SNTG1: variants seen among roughly 807,000 people sequenced by gnomAD.
SNTG1 encodes gamma-1-syntrophin.
A neutral mutation model predicts 74.7 loss-of-function variants in SNTG1; 39 were observed. The ratio of observed to expected loss-of-function variants is 0.52; its 90% confidence interval spans 0.40 to 0.68. The LOEUF (loss-of-function observed/expected upper bound fraction) is 0.68. Among genes scored for constraint, SNTG1 ranks in the 30% least tolerant of loss-of-function variants. SNTG1 has a pLI of 0.00. For synonymous variants in SNTG1, 254 were observed against 217.1 expected (o/e 1.17, Z -1.49); for missense variants, 685 against 609.5 (o/e 1.12, Z -1.30).
At chr8:50,759,341 T>C (rs1380347710) in intron 18 of SNTG1, among the ~76,000 whole-genome samples, 1 of 152,126 alleles carries the variant, frequency 6.6e-6, no homozygotes, top group Non-Finnish European at 1.5e-5. Context: ...ATTTTGGCTT[T>C]TGTTGCCATT....
At chr8:50,283,314 T>G (rs1186372907) in intron 2 of SNTG1, among the ~76,000 whole-genome samples, 1 of 152,184 alleles carries the variant, frequency 6.6e-6, no homozygotes, top group Non-Finnish European at 1.5e-5. Flanking sequence ...ATCAGAAACA[T>G]GTAATTGTTA....
intron 2 of SNTG1, among the ~76,000 whole-genome samples, chr8:50,391,906 T>C (rs1482133827): frequency 2.0e-5 from 3 of 152,108 alleles, no homozygotes; most frequent in Non-Finnish European, 4.4e-5. Flanking sequence ...ATAATCCCAA[T>C]GGAAGAATAT....
At chr8:50,207,351 C>A (rs1009605165) in intron 2 of SNTG1, among the ~76,000 whole-genome samples, 11 of 152,284 alleles carry the variant, frequency 7.2e-5, no homozygotes, top group Non-Finnish European at 1.5e-4. Context: ...AGTTTATTTG[C>A]ATAGAGGTGT....
chr8:50,302,146 C>A (rs1345361493), intron 2 of SNTG1, among the ~76,000 whole-genome samples: 2 of 152,134 alleles, frequency 1.3e-5, no homozygotes, highest in East Asian at 3.9e-4. Context: ...TATTGAGTGA[C>A]ACTTTGCTGA....
chr8:50,290,716 CT>C (rs1309657381), intron 2 of SNTG1, among the ~76,000 whole-genome samples: 1 of 151,992 alleles, frequency 6.6e-6, no homozygotes, highest in Non-Finnish European at 1.5e-5. Context: ...AATAACTGTA[CT>C]CATTTAAACA....
chr8:50,612,588 A>G (rs774994489), intron 13 of SNTG1, among the ~76,000 whole-genome samples: 3 of 152,230 alleles, frequency 2.0e-5, no homozygotes, highest in Non-Finnish European at 4.4e-5. Flanking sequence ...AGTAGACAGT[A>G]GGCTAGCAGT....
chr8:50,752,060 C>A lies in SNTG1; in HGVS notation c.1344C>A (p.Ser448Arg), dbSNP rs1325866719. ...AAGGTTCTTCAGATGATGGCAAGAG[C>A]AAAATCAAATTTTTGTTTCAGAATC... is the stretch of plus-strand genomic sequence containing the variant. Reference protein sequence around the residue: ...QLKGSSDDGKSKIKFLFQNPD... With the variant: ...QLKGSSDDGKRKIKFLFQNPD... The change falls in exon 18 of 19, where the codon AGC (serine) becomes AGA (arginine). Residue 448 changes from serine (S) to arginine (R), a missense_variant. Coordinates refer to ENST00000642720, the MANE Select transcript of SNTG1 (RefSeq NM_018967.5). The A allele has an allele frequency of 1.3e-6, 2 of 1,565,744 alleles. No homozygotes were observed. The highest frequency in any genetic ancestry group is 2.5e-5 in the East Asian group (1 of 40,356).
chr8:50,218,233 G>A (rs1390418886), intron 2 of SNTG1, among the ~76,000 whole-genome samples: 1 of 152,172 alleles, frequency 6.6e-6, no homozygotes, highest in Non-Finnish European at 1.5e-5. Context: ...ACTGAGCATA[G>A]GGATGGTTGT....
chr8:50,196,224 C>G (rs2083763050), intron 2 of SNTG1, among the ~76,000 whole-genome samples: 1 of 152,072 alleles, frequency 6.6e-6, no homozygotes, highest in Admixed American at 6.6e-5. Flanking sequence ...GGCAAAAGCA[C>G]TTAAATAATT....
intron 1 of SNTG1, among the ~76,000 whole-genome samples, chr8:50,114,503 G>A (rs982432400): frequency 6.6e-6 from 1 of 152,128 alleles, no homozygotes; most frequent in Non-Finnish European, 1.5e-5. Flanking sequence ...CATGTCAGAA[G>A]GTAGTTGGCC....
chr8:50,425,866 G>T (rs1341094880), intron 4 of SNTG1, among the ~76,000 whole-genome samples: 1 of 152,170 alleles, frequency 6.6e-6, no homozygotes. Flanking sequence ...AGCTTGCAGT[G>T]AAGAAGCAAA....
chr8:50,069,715 C>T (rs1821201329), intron 1 of SNTG1, among the ~76,000 whole-genome samples: 1 of 147,248 alleles, frequency 6.8e-6, no homozygotes, highest in South Asian at 2.2e-4. Context: ...CCTGACTTCT[C>T]CCCAGAGTAC....
chr8:50,597,386 T>TATACATAC (rs1563627942), intron 13 of SNTG1, among the ~76,000 whole-genome samples: 1 of 96,040 alleles, frequency 1.0e-5, no homozygotes, highest in East Asian at 2.6e-4. Context: ...TATACACATA[T>TATACATAC]ATACATATAT....
At chr8:50,138,383 C>T (rs1478519888) in intron 1 of SNTG1, among the ~76,000 whole-genome samples, 4 of 151,740 alleles carry the variant, frequency 2.6e-5, no homozygotes, top group Admixed American at 6.6e-5. Flanking sequence ...TTTGGGAGGC[C>T]GAGGTGGGTG....
At chr8:50,471,019 G>T (rs2093649475) in intron 8 of SNTG1, among the ~76,000 whole-genome samples, 1 of 152,058 alleles carries the variant, frequency 6.6e-6, no homozygotes, top group Non-Finnish European at 1.5e-5. Flanking sequence ...ATGCTGATTG[G>T]TGTGTTTTTA....
chr8:50,773,812 A>G (rs549056229), intron 18 of SNTG1, among the ~76,000 whole-genome samples: 81 of 152,272 alleles, frequency 5.3e-4, no homozygotes, highest in African/African-American at 1.5e-3. Flanking sequence ...AATAATTTCA[A>G]TTGTGTATTA....
intron 1 of SNTG1, among the ~76,000 whole-genome samples, chr8:50,043,387 A>C (rs933432427): frequency 6.6e-6 from 1 of 152,248 alleles, no homozygotes; most frequent in African/African-American, 2.4e-5. Context: ...AATGTATGCT[A>C]TATATGGCAT....
chr8:50,570,940 T>G (rs2094545989), intron 12 of SNTG1, among the ~76,000 whole-genome samples: 1 of 151,888 alleles, frequency 6.6e-6, no homozygotes, highest in Admixed American at 6.6e-5. Flanking sequence ...TCCACACAGT[T>G]TTCCATAGTA....
intron 15 of SNTG1, among the ~76,000 whole-genome samples, chr8:50,661,337 C>A (rs2095222121): frequency 6.6e-6 from 1 of 151,982 alleles, no homozygotes; most frequent in Admixed American, 6.6e-5. Flanking sequence ...CTTTGGAAAC[C>A]CCATGTGGAA....
Sources: allele counts gnomAD v4.1 joint callset (sites outside exome capture counted in the v4.1 genomes callset), GRCh38; gene constraint gnomAD v4.1.1; transcripts MANE v1.5; gene names NCBI Gene and HGNC (gene_info 2026-07-23, HGNC 2026-07-21).